Variants in PDE4D observed in about 807,000 individuals in gnomAD.
The protein encoded by PDE4D is phosphodiesterase 4D.
PDE4D carries 24 observed loss-of-function variants against 87.4 expected under a neutral mutation model. That is an observed-to-expected ratio of 0.27 (90% CI 0.20 to 0.39). PDE4D has a LOEUF of 0.39. Ranked by LOEUF, PDE4D falls within the 10% of genes least tolerant of loss-of-function variation. The pLI, the probability that PDE4D is intolerant of heterozygous loss-of-function variation, is 1.00. For missense variants in PDE4D, 714 were observed against 1,041.0 expected (o/e 0.69, Z 4.32); for synonymous variants, 384 against 383.2 (o/e 1.00, Z -0.02).
At chr5:59,392,795 G>A (rs779454203) in intron 1 of PDE4D, among the ~76,000 whole-genome samples, 31 of 152,174 alleles carry the variant, frequency 2.0e-4, no homozygotes, top group Non-Finnish European at 4.0e-4. Context: ...GTGACCTGCT[G>A]GAAGAGTCCT....
chr5:59,474,585 T>C (rs1049353514), intron 1 of PDE4D, among the ~76,000 whole-genome samples: 2 of 152,090 alleles, frequency 1.3e-5, no homozygotes, highest in African/African-American at 4.8e-5. Context: ...TTTTCCCTGG[T>C]GAAGAAGCCT....
At chr5:60,014,201 GTA>G (rs1439559255) in intron 2 of PDE4D, among the ~76,000 whole-genome samples, 2 of 151,794 alleles carry the variant, frequency 1.3e-5, no homozygotes, top group East Asian at 3.9e-4. Flanking sequence ...GAGGTGCCAG[GTA>G]TATGACTGAA....
At chr5:60,149,984 T>G (rs1781360114) in intron 2 of PDE4D, among the ~76,000 whole-genome samples, 1 of 147,014 alleles carries the variant, frequency 6.8e-6, no homozygotes, top group Non-Finnish European at 1.5e-5. Context: ...TATACATATA[T>G]GTAATACATA....
chr5:59,848,797 A>G (rs955423809), intron 1 of PDE4D, among the ~76,000 whole-genome samples: 5 of 152,056 alleles, frequency 3.3e-5, no homozygotes, highest in Middle Eastern at 3.2e-3. Context: ...GGTTTTAAAA[A>G]TAAAATCCGT....
intron 1 of PDE4D, among the ~76,000 whole-genome samples, chr5:59,482,828 G>A (rs1430734169): frequency 6.6e-6 from 1 of 152,028 alleles, no homozygotes; most frequent in Non-Finnish European, 1.5e-5. Context: ...TTTTACATAT[G>A]AATAAATATA....
At chr5:60,516,809 G>A (rs1171955943) in intron 1 of PDE4D, among the ~76,000 whole-genome samples, 4 of 152,204 alleles carry the variant, frequency 2.6e-5, no homozygotes, top group African/African-American at 9.6e-5. Flanking sequence ...GGCCCATCTG[G>A]AGTGGCTGCT....
At chr5:59,658,131 A>T (rs950944410) in intron 1 of PDE4D, among the ~76,000 whole-genome samples, 1 of 152,174 alleles carries the variant, frequency 6.6e-6, no homozygotes, top group African/African-American at 2.4e-5. Context: ...CAAATATACC[A>T]TTTACTGTTC....
intron 2 of PDE4D, among the ~76,000 whole-genome samples, chr5:60,170,386 C>T (rs1224288175): frequency 6.6e-6 from 1 of 151,746 alleles, no homozygotes; most frequent in African/African-American, 2.4e-5. Flanking sequence ...TAAAAGGGAA[C>T]AAACTAAAAA....
intron 1 of PDE4D, among the ~76,000 whole-genome samples, chr5:59,754,829 T>A (rs920219154): frequency 6.3e-5 from 8 of 126,540 alleles, no homozygotes; most frequent in Admixed American, 5.9e-4. Context: ...TTTTTTTGCA[T>A]CTGTGCAGCT....
chr5:59,379,415 A>T (rs546511783), intron 1 of PDE4D, among the ~76,000 whole-genome samples: 18 of 152,246 alleles, frequency 1.2e-4, no homozygotes, highest in African/African-American at 3.4e-4. Context: ...AGAAAATTAA[A>T]TTTTTTTAAA....
chr5:59,133,018 CA>C (rs1776500480), intron 5 of PDE4D, among the ~76,000 whole-genome samples: 1 of 152,050 alleles, frequency 6.6e-6, no homozygotes, highest in South Asian at 2.1e-4. Context: ...TCTGCTTGTC[CA>C]TTTCTGTTTT....
intron 3 of PDE4D, among the ~76,000 whole-genome samples, chr5:59,929,876 C>T (rs934833141): frequency 4.6e-5 from 7 of 152,156 alleles, no homozygotes; most frequent in African/African-American, 1.7e-4. Flanking sequence ...CTAGCTGTCT[C>T]TGGAAACCAT....
At chr5:60,521,811 G>A (rs1390605131) in intron 1 of PDE4D, 1 of 151,936 alleles carries the variant, frequency 6.6e-6, no homozygotes, top group African/African-American at 2.4e-5. Context: ...ATATTCTTAG[G>A]AACTGTCAAA....
intron 5 of PDE4D, among the ~76,000 whole-genome samples, chr5:59,094,025 C>A (rs1769226182): frequency 6.6e-6 from 1 of 151,884 alleles, no homozygotes; most frequent in Non-Finnish European, 1.5e-5. Context: ...CGAGATCACC[C>A]TGGCCAACAT....
chr5:60,509,030 G>T (rs1750450433), intron 1 of PDE4D, among the ~76,000 whole-genome samples: 1 of 152,090 alleles, frequency 6.6e-6, no homozygotes, highest in African/African-American at 2.4e-5. Flanking sequence ...CTCCCGAGTA[G>T]CTAGGATTAC....
intron 5 of PDE4D, among the ~76,000 whole-genome samples, chr5:59,082,343 C>T (rs1001565427): frequency 1.3e-5 from 2 of 152,002 alleles, no homozygotes; most frequent in Admixed American, 6.6e-5. Flanking sequence ...AAAATTCTAA[C>T]GTAAGCAACC....
chr5:60,296,420 C>T (rs1380987751), intron 1 of PDE4D, among the ~76,000 whole-genome samples: 1 of 152,018 alleles, frequency 6.6e-6, no homozygotes, highest in Non-Finnish European at 1.5e-5. Context: ...CTTCTTACCT[C>T]CAATGCAGCT....
intron 1 of PDE4D, among the ~76,000 whole-genome samples, chr5:60,313,976 A>C (rs887946139): frequency 1.3e-5 from 2 of 152,186 alleles, no homozygotes; most frequent in Non-Finnish European, 2.9e-5. Flanking sequence ...ACCCACAGCC[A>C]ACATCATACT....
rs527873712 is a variant in PDE4D, at chr5:59,021,779, A to G, written c.921+17080T>C. Among the ~76,000 whole-genome samples the G allele has an allele frequency of 2.6e-4, 40 of 152,324 alleles. No individual in the cohort carries two copies. In the South Asian group the frequency reaches 6.8e-3, roughly 26 times the overall value. On this transcript the variant is annotated intron_variant, in intron 6 of 14. Coordinates refer to ENST00000340635, the MANE Select transcript of PDE4D (RefSeq NM_001104631.2). ...GAGATTTAAAATGGAATCAAGATAA[A>G]GGTTCACATTTTTCATCTTCTATTC...
Sources: gnomAD v4.1 joint callset for allele counts (sites outside exome capture counted in the v4.1 genomes callset) on GRCh38, gnomAD v4.1.1 for gene constraint, MANE v1.5 for transcripts, NCBI Gene and HGNC (gene_info 2026-07-23, HGNC 2026-07-21) for gene names.